The following EBF2 variants were observed in gnomAD, a reference collection of about 807,000 sequenced individuals.
The protein encoded by EBF2 is transcription factor COE2.
Under a neutral mutation model 72.8 loss-of-function variants are expected in EBF2, and 21 were observed. That is an observed-to-expected ratio of 0.29 (90% CI 0.20 to 0.42). The LOEUF (loss-of-function observed/expected upper bound fraction) is 0.42, where lower values mean the gene tolerates loss of function less well. Ranked by LOEUF, EBF2 falls within the 10% of genes least tolerant of loss-of-function variation. The probability of loss-of-function intolerance (pLI) is 1.00; values close to 1 mark genes in which losing one functional copy is unlikely to be tolerated. For missense variants in EBF2, 637 were observed against 731.2 expected, an observed-to-expected ratio of 0.87 and a Z score of 1.49; for synonymous variants, 299 against 274.2, an observed-to-expected ratio of 1.09 and a Z score of -0.89.
intron 10 of EBF2, among the ~76,000 whole-genome samples, chr8:25,879,399 C>A (rs749399997): frequency 6.6e-6 from 1 of 152,170 alleles, no homozygotes; most frequent in Non-Finnish European, 1.5e-5. Flanking sequence ...ATTTCCTAGG[C>A]AGACATTTCT....
intron 10 of EBF2, among the ~76,000 whole-genome samples, chr8:25,885,002 C>A (rs896797469): frequency 6.6e-6 from 1 of 152,022 alleles, no homozygotes; most frequent in Non-Finnish European, 1.5e-5. Flanking sequence ...TTATATATTT[C>A]TTTCTCTATA....
chr8:25,907,036 A>T (rs1803045037), intron 7 of EBF2, among the ~76,000 whole-genome samples: 1 of 152,068 alleles, frequency 6.6e-6, no homozygotes, highest in Non-Finnish European at 1.5e-5. Flanking sequence ...CATCTGTCTG[A>T]TTGTGGCCTA....
At chr8:25,921,465 C>T (rs1048451677) in intron 6 of EBF2, among the ~76,000 whole-genome samples, 3 of 152,134 alleles carry the variant, frequency 2.0e-5, no homozygotes, top group Admixed American at 6.5e-5. Flanking sequence ...ATGATCACAT[C>T]GGTCTAAGCT....
intron 6 of EBF2, among the ~76,000 whole-genome samples, chr8:25,958,624 C>T (rs1282658064): frequency 6.6e-6 from 1 of 152,170 alleles, no homozygotes; most frequent in Non-Finnish European, 1.5e-5. Flanking sequence ...CAGCATGGAC[C>T]AACTCCAGCC....
chr8:25,935,831 C>G (rs1803570213), intron 6 of EBF2, among the ~76,000 whole-genome samples: 1 of 152,160 alleles, frequency 6.6e-6, no homozygotes, highest in African/African-American at 2.4e-5. Context: ...ATTTAACTGA[C>G]AGTAGGAAAT....
chr8:26,015,615 C>G (rs1805098745), intron 6 of EBF2, among the ~76,000 whole-genome samples: 1 of 152,206 alleles, frequency 6.6e-6, no homozygotes, highest in South Asian at 2.1e-4. Flanking sequence ...GCCAGTCACT[C>G]TTGTTGCAAA....
intron 6 of EBF2, among the ~76,000 whole-genome samples, chr8:25,929,177 C>CTA (rs1233576902): frequency 6.6e-6 from 1 of 152,130 alleles, no homozygotes; most frequent in Middle Eastern, 3.2e-3. Context: ...CACGACAGTC[C>CTA]TGTGAGATAT....
At chr8:25,969,325 A>C (rs1444569338) in intron 6 of EBF2, among the ~76,000 whole-genome samples, 1 of 152,246 alleles carries the variant, frequency 6.6e-6, no homozygotes, top group Non-Finnish European at 1.5e-5. Context: ...GGAATAAAGA[A>C]TTCATCAAGC....
chr8:25,874,105 G>C (rs964155814), intron 10 of EBF2, among the ~76,000 whole-genome samples: 3 of 151,994 alleles, frequency 2.0e-5, no homozygotes, highest in African/African-American at 7.3e-5. Flanking sequence ...GTCTGAATTG[G>C]GTATTTTTAA....
At chr8:26,019,999 C>T (rs946625688) in intron 6 of EBF2, among the ~76,000 whole-genome samples, 4 of 152,052 alleles carry the variant, frequency 2.6e-5, no homozygotes, top group Non-Finnish European at 4.4e-5. Context: ...TAAGGTGTGC[C>T]CATGTGTAGG....
At chr8:26,030,718 C>A (rs560351935) in intron 6 of EBF2, among the ~76,000 whole-genome samples, 1 of 152,100 alleles carries the variant, frequency 6.6e-6, no homozygotes, top group Non-Finnish European at 1.5e-5. Flanking sequence ...TCGGAAGTAA[C>A]GCACATTTCA....
In EBF2 at chr8:26,042,143, C is replaced by A. The variant is rs373751350; in HGVS notation, c.240G>T (p.Pro80=). ...CGAAGGCCGTCCGCTCGATCTCCACCGGCTGGCCCTGCCTGTCATAGAGCG... is the reference window on the plus strand; with the variant it reads ...CGAAGGCCGTCCGCTCGATCTCCACAGGCTGGCCCTGCCTGTCATAGAGCG... ...VLALYDRQGQ[P]VEIERTAFVD... Residue 80 remains proline (P), a synonymous_variant, in exon 2 of 16, where the codon CCG becomes CCT. Transcript: ENST00000520164. The A allele has an allele frequency of 1.9e-6, 3 of 1,614,130 alleles. No individual in the cohort carries two copies. Among genetic ancestry groups the A allele is most frequent in the Non-Finnish European group, 2.5e-6 (3 of 1,180,016 alleles).
chr8:25,861,281 A>T, intron 12 of EBF2, 28 bp downstream of exon 12: 15 of 1,613,646 alleles, frequency 9.3e-6, no homozygotes, highest in Non-Finnish European at 1.3e-5. Flanking sequence ...TGCAAAACTC[A>T]ATAAAGGATA....
chr8:25,850,589 C>A lies in EBF2; in HGVS notation c.1696+5G>T. 6.5e-7 allele frequency: 1 copy of A among 1,544,820 alleles called. No homozygotes were observed. On this transcript the variant is annotated splice_donor_5th_base_variant and intron_variant, in intron 15 of 15. Transcript: ENST00000520164. ...GTGTATCCCCAAAATAGAACCCTTG[C>A]TTACCTCTGAATCCATTTCCATTGC... is the stretch of plus-strand genomic sequence containing the variant.
intron 6 of EBF2, among the ~76,000 whole-genome samples, chr8:25,939,693 T>C (rs910071703): frequency 6.6e-6 from 1 of 152,222 alleles, no homozygotes; most frequent in East Asian, 1.9e-4. Flanking sequence ...TGTCCCTCTA[T>C]GTGACCAGGG....
intron 5 of EBF2, among the ~76,000 whole-genome samples, chr8:26,034,252 G>T (rs1411748209): frequency 6.6e-6 from 1 of 152,050 alleles, no homozygotes; most frequent in Non-Finnish European, 1.5e-5. Context: ...TTTAAAATAC[G>T]AGGAAAATGA....
intron 7 of EBF2, among the ~76,000 whole-genome samples, chr8:25,904,235 C>A (rs1394501566): frequency 5.4e-3 from 650 of 121,488 alleles, no homozygotes; most frequent in East Asian, 6.8e-3. Flanking sequence ...GGGTCTGGGC[C>A]AAAAAAAAAA....
intron 13 of EBF2, 48 bp downstream of exon 13, chr8:25,861,001 C>G (rs1208134297): frequency 1.2e-6 from 2 of 1,611,642 alleles, no homozygotes; most frequent in African/African-American, 1.3e-5. Flanking sequence ...TCCAGCAGAA[C>G]TTTTTAAATT....
chr8:25,984,562 G>A (rs1804415953), intron 6 of EBF2, among the ~76,000 whole-genome samples: 1 of 152,110 alleles, frequency 6.6e-6, no homozygotes, highest in Admixed American at 6.5e-5. Context: ...CACGCCTGCA[G>A]TTCCAGCGAC....
Sources: gnomAD v4.1 joint callset for allele counts (sites outside exome capture counted in the v4.1 genomes callset) on GRCh38, gnomAD v4.1.1 for gene constraint, MANE v1.5 for transcripts, NCBI Gene and HGNC (gene_info 2026-07-23, HGNC 2026-07-21) for gene names.